Variants in SEMA7A observed in about 807,000 individuals in gnomAD.
The protein encoded by SEMA7A is semaphorin 7A (JohnMiltonHagen blood group), also known as semaphorin-7A.
In SEMA7A, 21 loss-of-function variants were observed where a neutral mutation model predicts 67.5. That is an observed-to-expected ratio of 0.31 (90% CI 0.22 to 0.45). The LOEUF (loss-of-function observed/expected upper bound fraction) is 0.45. SEMA7A is among the 20% of genes least tolerant of loss of function. The probability of loss-of-function intolerance (pLI) is 1.00; values close to 1 mark genes in which losing one functional copy is unlikely to be tolerated. For synonymous variants in SEMA7A, 364 were observed against 368.5 expected (o/e 0.99, Z 0.14); for missense variants, 774 against 908.6 (o/e 0.85, Z 1.90).
chr15:74,433,674 G>T, intron 1 of SEMA7A, 67 bp downstream of exon 1: 1 of 1,358,272 alleles, frequency 7.4e-7, no homozygotes. Context: ...TCCGGGTGCA[G>T]CACACTCCGC....
At chr15:74,417,506 G>A (rs952000796) in intron 5 of SEMA7A, 61 bp from the exon 6 acceptor site, 59 of 1,584,004 alleles carry the variant, frequency 3.7e-5, no homozygotes, top group East Asian at 8.9e-5. Flanking sequence ...TCCCTCCTCC[G>A]GACACTGGAC....
intron 2 of SEMA7A, 59 bp downstream of exon 2, chr15:74,418,742 G>A: frequency 6.4e-7 from 1 of 1,573,694 alleles, no homozygotes; most frequent in East Asian, 2.2e-5. Context: ...AGGACCCTTG[G>A]CAGGGCCAGA....
chr15:74,420,519 G>A (rs1474540026), intron 1 of SEMA7A, among the ~76,000 whole-genome samples: 2 of 152,290 alleles, frequency 1.3e-5, no homozygotes, highest in African/African-American at 2.4e-5. Flanking sequence ...GAACAGCTCC[G>A]GGGATATCAG....
chr15:74,418,211 G>A, intron 3 of SEMA7A, 57 bp downstream of exon 3: 1 of 1,546,842 alleles, frequency 6.5e-7, no homozygotes, highest in South Asian at 1.1e-5. Flanking sequence ...GACCCTCAGG[G>A]TCTCCTCTCC....
chr15:74,433,367 C>G (rs1037146073), intron 1 of SEMA7A, among the ~76,000 whole-genome samples: 8 of 151,844 alleles, frequency 5.3e-5, no homozygotes, highest in Admixed American at 5.2e-4. Context: ...GGGTTGGGGT[C>G]CCAGGCGGGG....
rs1361651762 is a variant in SEMA7A, at chr15:74,410,762, G to A, written c.1863C>T (p.Phe621=). 1 of 1,614,188 alleles carries A rather than the reference G, an allele frequency of 6.2e-7. No homozygotes were observed. The highest frequency in any genetic ancestry group is 1.1e-5 in the South Asian group (1 of 91,088). The change falls in exon 14 of 14, where the codon TTC becomes TTT. Residue 621 remains phenylalanine (F), a synonymous_variant. Transcript: ENST00000261918. The surrounding 1 kb of genome is among the most constrained non-coding windows in gnomAD (Gnocchi z 7.5). ...YFCEAQEGSY[F]REAQHWQLLP... is the part of the protein sequence containing the mutation. ...GCAGCTGCCAGTGCTGAGCCTCGCGGAAGTAGGAGCCCTCCTGGGCCTCGC... is the reference window on the plus strand; with the variant it reads ...GCAGCTGCCAGTGCTGAGCCTCGCGAAAGTAGGAGCCCTCCTGGGCCTCGC...
intron 1 of SEMA7A, among the ~76,000 whole-genome samples, chr15:74,419,563 C>A (rs1278108981): frequency 6.6e-6 from 1 of 152,240 alleles, no homozygotes; most frequent in East Asian, 1.9e-4. Context: ...GGAATCTCAA[C>A]ATCTACTCCG....
At chr15:74,430,037 A>G (rs988637575) in intron 1 of SEMA7A, among the ~76,000 whole-genome samples, 6 of 151,974 alleles carry the variant, frequency 3.9e-5, no homozygotes, top group African/African-American at 1.5e-4. Context: ...GCCCATCTAC[A>G]TCTACACTGA....
intron 10 of SEMA7A, among the ~76,000 whole-genome samples, chr15:74,412,316 G>A (rs1354682360): frequency 3.3e-5 from 5 of 152,162 alleles, no homozygotes; most frequent in Admixed American, 2.0e-4. Flanking sequence ...AGGTCAGTGC[G>A]GCTGCTGTCC....
intron 1 of SEMA7A, among the ~76,000 whole-genome samples, chr15:74,425,355 A>G (rs1370713846): frequency 2.6e-5 from 4 of 152,234 alleles, no homozygotes; most frequent in Admixed American, 6.5e-5. Context: ...CATGAGACAC[A>G]GAGAAGCTGA....
chr15:74,418,698 T>G, intron 2 of SEMA7A, 103 bp downstream of exon 2: 1 of 1,342,898 alleles, frequency 7.4e-7, no homozygotes, highest in Non-Finnish European at 1.0e-6. Context: ...TGGGGGCAGT[T>G]TAGGAAGAGA....
Position 74,414,489 on chromosome 15 carries a change from TAC to T in SEMA7A, c.1294+56_1294+57del. The T allele has an allele frequency of 1.3e-6, 2 of 1,504,608 alleles. No individual in the cohort carries two copies. The highest frequency in any genetic ancestry group is 2.3e-5 in the East Asian group (1 of 44,260). 93.2% of individuals were successfully genotyped at this position (1,504,608 alleles called of 1,614,324 possible). ...ACCAGATGTTAACTACATTATTCCT[TAC>T]ACCTTTCATGCCCGTTTTTACAAAG... On this transcript the variant is annotated intron_variant, in intron 10 of 13. Coordinates refer to ENST00000261918, the MANE Select transcript of SEMA7A (RefSeq NM_003612.5). This position sits in a 1 kb window ranked among gnomAD's most constrained non-coding sequence, Gnocchi z 4.1.
chr15:74,414,060 G>A lies in SEMA7A; in HGVS notation c.1294+487C>T, dbSNP rs1217297679. Among the ~76,000 whole-genome samples, 2 of 152,138 alleles carry A rather than the reference G, an allele frequency of 1.3e-5. No homozygotes were observed. Among genetic ancestry groups the A allele is most frequent in the Non-Finnish European group, 2.9e-5 (2 of 68,018 alleles). On this transcript the variant is annotated intron_variant, in intron 10 of 13. Transcript: ENST00000261918. This position sits in a 1 kb window ranked among gnomAD's most constrained non-coding sequence, Gnocchi z 4.1. ...TCCTCTGTGAGATGGCAAAGGTTCTGCCCCCTGGAACTCCTTCCTCATACC... is the reference window on the plus strand; with the variant it reads ...TCCTCTGTGAGATGGCAAAGGTTCTACCCCCTGGAACTCCTTCCTCATACC...
chr15:74,419,961 T>C (rs868775015), intron 1 of SEMA7A, among the ~76,000 whole-genome samples: 2 of 152,182 alleles, frequency 1.3e-5, no homozygotes, highest in Middle Eastern at 3.2e-3. Context: ...GGATGGCCTG[T>C]GGTTGTGCCC....
Position 74,418,809 on chromosome 15 carries a change from C to A in SEMA7A, c.322G>T (p.Val108Leu). The A allele has an allele frequency of 1.2e-6, 2 of 1,613,730 alleles. No individual in the cohort carries two copies. The highest frequency in any genetic ancestry group is 1.7e-6 in the Non-Finnish European group (2 of 1,179,902). The change falls in exon 2 of 14, where the codon GTG (valine) becomes TTG (leucine). Residue 108 changes from valine to leucine, a missense_variant. Physicochemically the swap from Val to Leu is conservative, Grantham distance 32. This residue lies in a region of SEMA7A where 347 missense variants were observed against 353.2 expected (regional missense o/e 0.98). Transcript: ENST00000261918. ...FDFPEGKNAS[V>L]RTVNIGSTKG... ...GGAAGAGAGAGGCTCACCGTGCGCACAGATGCGTTCTTGCCCTCGGGGAAG... is the reference window on the plus strand; with the variant it reads ...GGAAGAGAGAGGCTCACCGTGCGCAAAGATGCGTTCTTGCCCTCGGGGAAG...
At chr15:74,418,417 C>T in intron 2 of SEMA7A, 108 bp from the exon 3 acceptor site, 1 of 1,103,206 alleles carries the variant, frequency 9.1e-7, no homozygotes, top group Non-Finnish European at 1.3e-6. Context: ...CCATTATTCT[C>T]ATCTGACAGA....
chr15:74,411,519 AC>A lies in SEMA7A; in HGVS notation c.1577+36del, dbSNP rs1232250679. ...CAACACCTCCCCCTCTCCCATGCCC[AC>A]CTTCTCCCAGGGACGAGGGATCCCG... On this transcript the variant is annotated intron_variant, in intron 12 of 13. Transcript: ENST00000261918. This position sits in a 1 kb window ranked among gnomAD's most constrained non-coding sequence, Gnocchi z 4.4. 6.5e-7 allele frequency: 1 copy of A among 1,543,126 alleles called. No homozygotes were observed. Among genetic ancestry groups the A allele is most frequent in the Non-Finnish European group, 8.7e-7 (1 of 1,143,446 alleles).
At position 74,410,545 on chromosome 15, in the gene SEMA7A, G is replaced by A. The variant is rs569605224; in HGVS notation, c.*79C>T. ...AAGAAGTGGCAGGCAAGGAGCTCCC[G>A]GGCCAGCCGGCTCTGAGTGTGAGAC... On this transcript the variant is annotated 3_prime_UTR_variant, in exon 14 of 14. Transcript: ENST00000261918. This position sits in a 1 kb window ranked among gnomAD's most constrained non-coding sequence, Gnocchi z 7.5. The A allele has an allele frequency of 2.9e-5, 44 of 1,506,838 alleles. No homozygotes were observed. In the East Asian group the frequency reaches 4.3e-4, roughly 15 times the overall value. The allele number at this position is 1,506,838 out of a possible 1,614,324, so 93.3% of individuals were successfully genotyped here. A position where few individuals can be genotyped will look rare whatever the true frequency, so the allele number is the denominator to read the frequency against.
intron 7 of SEMA7A, among the ~76,000 whole-genome samples, chr15:74,416,224 G>C (rs1307099728): frequency 6.6e-6 from 1 of 152,084 alleles, no homozygotes; most frequent in Non-Finnish European, 1.5e-5. Flanking sequence ...CAGGGCAGGT[G>C]AGAGTGCCAG....
Sources: gnomAD v4.1 joint callset for allele counts (sites outside exome capture counted in the v4.1 genomes callset) on GRCh38, gnomAD v4.1.1 for gene constraint, gnomAD v4.1.1 regional missense constraint, Gnocchi (gnomAD v3.1) non-coding constraint, MANE v1.5 for transcripts, NCBI Gene and HGNC (gene_info 2026-07-23, HGNC 2026-07-21) for gene names.